SHANK2: variants seen among roughly 807,000 people sequenced by gnomAD.
SHANK2 encodes the protein SH3 and multiple ankyrin repeat domains protein 2.
In SHANK2, 43 loss-of-function variants were observed where a neutral mutation model predicts 133.7. The ratio of observed to expected loss-of-function variants is 0.32; its 90% CI spans 0.25 to 0.41. The LOEUF is 0.41. Among genes scored for constraint, SHANK2 ranks in the 10% least tolerant of loss-of-function variants. The pLI is 1.00. For synonymous variants in SHANK2, 1,017 were observed against 952.8 expected, an observed-to-expected ratio of 1.07 and a Z score of -1.24; for missense variants, 1,994 against 2,235.8, an observed-to-expected ratio of 0.89 and a Z score of 2.18.
chr11:71,231,770 T>A (rs1028874807), intron 1 of SHANK2, among the ~76,000 whole-genome samples: 3 of 152,038 alleles, frequency 2.0e-5, no homozygotes, highest in Non-Finnish European at 2.9e-5. Context: ...GTGCCTGTAG[T>A]CTCAGCTACT....
intron 3 of SHANK2, among the ~76,000 whole-genome samples, chr11:71,129,360 T>G (rs1380117605): frequency 1.3e-5 from 2 of 151,622 alleles, no homozygotes; most frequent in Admixed American, 6.6e-5. Flanking sequence ...AGAGCTAGGG[T>G]TGGCCATGCT....
At chr11:71,156,804 A>C (rs1952914499) in intron 2 of SHANK2, among the ~76,000 whole-genome samples, 1 of 152,224 alleles carries the variant, frequency 6.6e-6, no homozygotes, top group Non-Finnish European at 1.5e-5. Context: ...CACTTGCCCC[A>C]GACATTCTTT....
chr11:70,784,348 T>G (rs1234416580), intron 14 of SHANK2, among the ~76,000 whole-genome samples: 1 of 119,316 alleles, frequency 8.4e-6, no homozygotes, highest in Admixed American at 7.9e-5. Flanking sequence ...GGCTAGTTTT[T>G]TTTTTTTTTT....
At chr11:70,543,041 A>G (rs1554975520) in intron 17 of SHANK2, among the ~76,000 whole-genome samples, 1 of 152,178 alleles carries the variant, frequency 6.6e-6, no homozygotes, top group Non-Finnish European at 1.5e-5. Flanking sequence ...GTGAGGAGGC[A>G]GAGCCCTCAA....
At chr11:70,730,538 G>A (rs560858314) in intron 14 of SHANK2, among the ~76,000 whole-genome samples, 39 of 152,066 alleles carry the variant, frequency 2.6e-4, no homozygotes, top group Middle Eastern at 3.2e-3. Context: ...TAACTGGACC[G>A]CATCTCCCAG....
rs181760507 is a variant in SHANK2, at chr11:71,102,977, G to A, written c.592+6964C>T. 1.0e-3 allele frequency among the ~76,000 whole-genome samples: 152 copies of A among 152,318 alleles called. 1 individual carries two copies. Among genetic ancestry groups the A allele is most frequent in the African/African-American group, 3.5e-3 (146 of 41,558 alleles). ...GCGTGTGTCTACCTGGTTCACATAG[G>A]GCACCTTCTTGCTGTGACCTCACCT... On this transcript the variant is annotated intron_variant, in intron 6 of 25. Coordinates refer to ENST00000601538, the MANE Select transcript of SHANK2 (RefSeq NM_012309.5).
At chr11:70,717,100 G>A (rs1258578497) in intron 14 of SHANK2, among the ~76,000 whole-genome samples, 4 of 152,194 alleles carry the variant, frequency 2.6e-5, no homozygotes, top group East Asian at 1.9e-4. Flanking sequence ...AAACAACAAC[G>A]GAAATCCACC....
intron 11 of SHANK2, among the ~76,000 whole-genome samples, chr11:70,887,557 T>C (rs893384921): frequency 1.3e-5 from 2 of 152,082 alleles, no homozygotes; most frequent in African/African-American, 4.8e-5. Context: ...ACAGTGTTCA[T>C]TGTCTTCTCC....
intron 21 of SHANK2, 99 bp from the exon 22 acceptor site, chr11:70,492,564 A>C: frequency 6.7e-7 from 1 of 1,487,266 alleles, no homozygotes; most frequent in Non-Finnish European, 9.3e-7. Context: ...CAACATCCAA[A>C]ACTGTGCAGG....
rs1298198373 is a variant in SHANK2 at position 70,591,002 on chromosome 11, G to A, written c.2061+68826C>T. Reference sequence around the variant, plus strand: ...GATGTTATCTTTTAAAAAAGGAAAAGACAAAGAAATGGAGGGAAAGGGAAG... The same window carrying A: ...GATGTTATCTTTTAAAAAAGGAAAAAACAAAGAAATGGAGGGAAAGGGAAG... On this transcript the variant is annotated intron_variant, in intron 17 of 25. Coordinates refer to ENST00000601538, the MANE Select transcript of SHANK2 (RefSeq NM_012309.5). 3.3e-5 allele frequency among the ~76,000 whole-genome samples: 5 copies of A among 152,138 alleles called. No homozygotes were observed. The East Asian group carries it at 9.6e-4, about 29-fold the overall frequency.
chr11:70,843,251 T>C (rs1321514602), intron 11 of SHANK2, among the ~76,000 whole-genome samples: 1 of 107,128 alleles, frequency 9.3e-6, no homozygotes, highest in Non-Finnish European at 1.9e-5. Flanking sequence ...GCTGGGCTCC[T>C]ATGGGGTGGG....
At chr11:71,092,727 T>C in intron 7 of SHANK2, 138 bp from the exon 8 acceptor site, 1 of 786,764 alleles carries the variant, frequency 1.3e-6, no homozygotes, top group Non-Finnish European at 2.0e-6. Flanking sequence ...GTGCTTCTCC[T>C]GGGCTCCCCA....
intron 17 of SHANK2, among the ~76,000 whole-genome samples, chr11:70,636,945 A>AC (rs1274811251): frequency 6.6e-6 from 1 of 151,860 alleles, no homozygotes; most frequent in East Asian, 1.9e-4. Flanking sequence ...ACGACAAATC[A>AC]CCGCAAACCA....
intron 2 of SHANK2, among the ~76,000 whole-genome samples, chr11:71,216,692 A>T (rs932555576): frequency 5.3e-5 from 8 of 152,162 alleles, no homozygotes; most frequent in African/African-American, 1.7e-4. Flanking sequence ...TTTATCACCA[A>T]GTGAGGTCAC....
At chr11:70,562,168 T>C in intron 17 of SHANK2, among the ~76,000 whole-genome samples, 1 of 152,252 alleles carries the variant, frequency 6.6e-6, no homozygotes, top group East Asian at 1.9e-4. Context: ...CACATCTGTA[T>C]GACTTGAATA....
chr11:71,205,757 G>T (rs1954114679), intron 2 of SHANK2, among the ~76,000 whole-genome samples: 2 of 152,180 alleles, frequency 1.3e-5, no homozygotes, highest in South Asian at 4.1e-4. Context: ...GGTCAGGCGT[G>T]TTATTTATCC....
At chr11:71,090,263 C>CTGTGTATA (rs1195545838) in intron 8 of SHANK2, among the ~76,000 whole-genome samples, 19 of 36,818 alleles carry the variant, frequency 5.2e-4, no homozygotes, top group African/African-American at 2.4e-3. Context: ...AACACAACCT[C>CTGTGTATA]TGTGTGTGTG....
intron 17 of SHANK2, among the ~76,000 whole-genome samples, chr11:70,509,936 C>T (rs1418866315): frequency 6.6e-6 from 1 of 152,218 alleles, no homozygotes; most frequent in African/African-American, 2.4e-5. Flanking sequence ...TGTATTCTGT[C>T]GCGGCAGCCC....
intron 17 of SHANK2, among the ~76,000 whole-genome samples, chr11:70,651,895 G>A (rs1243731776): frequency 6.6e-6 from 1 of 152,176 alleles, no homozygotes; most frequent in Non-Finnish European, 1.5e-5. Flanking sequence ...GAAATTTTGG[G>A]GATGGGGTGG....
Sources: allele counts gnomAD v4.1 joint callset (sites outside exome capture counted in the v4.1 genomes callset), GRCh38; gene constraint gnomAD v4.1.1; transcripts MANE v1.5; gene names NCBI Gene and HGNC (gene_info 2026-07-23, HGNC 2026-07-21).